The following BRAF variants were observed in gnomAD, a reference collection of about 807,000 sequenced individuals.
BRAF encodes the protein B-Raf proto-oncogene, serine/threonine kinase.
A neutral mutation model predicts 104.6 loss-of-function variants in BRAF; 16 were observed. The ratio of observed to expected loss-of-function variants is 0.15; its 90% CI spans 0.10 to 0.23. The LOEUF (loss-of-function observed/expected upper bound fraction) is 0.23, where lower values mean the gene tolerates loss of function less well. Among genes scored for constraint, BRAF ranks in the 10% least tolerant of loss-of-function variants. The pLI is 1.00. For synonymous variants in BRAF, 310 were observed against 341.6 expected (o/e 0.91, Z 1.02); for missense variants, 541 against 937.3 (o/e 0.58, Z 5.52).
intron 3 of BRAF, among the ~76,000 whole-genome samples, chr7:140,832,007 T>G (rs1246651018): frequency 6.6e-6 from 1 of 152,236 alleles, no homozygotes; most frequent in East Asian, 1.9e-4. Flanking sequence ...TTTGGTTTTC[T>G]ATTTTGGCTT....
At chr7:140,868,376 C>G (rs1811206244) in intron 1 of BRAF, among the ~76,000 whole-genome samples, 1 of 152,154 alleles carries the variant, frequency 6.6e-6, no homozygotes, top group Non-Finnish European at 1.5e-5. Context: ...CATATCCATT[C>G]AGTGGAATTT....
At chr7:140,882,577 C>T (rs936710244) in intron 1 of BRAF, among the ~76,000 whole-genome samples, 10 of 151,974 alleles carry the variant, frequency 6.6e-5, no homozygotes, top group African/African-American at 2.4e-4. Context: ...TGGGTTTCAC[C>T]ATATTGGTCA....
At chr7:140,841,025 T>C (rs1396145750) in intron 2 of BRAF, among the ~76,000 whole-genome samples, 1 of 151,942 alleles carries the variant, frequency 6.6e-6, no homozygotes. Flanking sequence ...TAAAGAACTC[T>C]TACAACTCAG....
intron 14 of BRAF, among the ~76,000 whole-genome samples, chr7:140,774,423 C>G (rs1219140092): frequency 6.6e-6 from 1 of 152,186 alleles, no homozygotes; most frequent in African/African-American, 2.4e-5. Context: ...CAGCACTATT[C>G]CAATTTGATA....
chr7:140,792,204 C>G (rs1169372483), intron 8 of BRAF, among the ~76,000 whole-genome samples: 1 of 152,164 alleles, frequency 6.6e-6, no homozygotes, highest in East Asian at 1.9e-4. Flanking sequence ...GTTTAAATAT[C>G]ATTTCTTGTC....
the BRAF span, among the ~76,000 whole-genome samples, chr7:140,713,498 A>T: frequency 1.0e-3 from 154 of 152,112 alleles, no homozygotes; most frequent in Admixed American, 4.8e-3. Context: ...TGGTTATTCT[A>T]GTTATCCATT....
intron 3 of BRAF, among the ~76,000 whole-genome samples, chr7:140,811,339 T>C (rs1477803650): frequency 6.6e-6 from 1 of 152,062 alleles, no homozygotes; most frequent in African/African-American, 2.4e-5. Context: ...AAGCATACTG[T>C]CCAGAGGCTA....
intron 19 of BRAF, among the ~76,000 whole-genome samples, chr7:140,730,062 T>C (rs1010877512): frequency 2.6e-5 from 4 of 152,100 alleles, no homozygotes; most frequent in African/African-American, 9.7e-5. Context: ...ACTCTTAAAA[T>C]GTCCCTAAAA....
At chr7:140,716,137 A>G (rs1229830011), downstream of BRAF, among the ~76,000 whole-genome samples, 1 of 152,194 alleles carries the variant, frequency 6.6e-6, no homozygotes, top group Admixed American at 6.5e-5. Context: ...CTACATACTA[A>G]AGAAGAATGG....
chr7:140,872,495 T>G (rs2129094541), intron 1 of BRAF, among the ~76,000 whole-genome samples: 1 of 152,244 alleles, frequency 6.6e-6, no homozygotes, highest in African/African-American at 2.4e-5. Flanking sequence ...AAAGAAAATT[T>G]AAGAATTTCT....
chr7:140,897,997 G>A (rs1400929339), intron 1 of BRAF, among the ~76,000 whole-genome samples: 6 of 152,188 alleles, frequency 3.9e-5, no homozygotes, highest in African/African-American at 1.4e-4. Flanking sequence ...GCCAGGAGTC[G>A]AGACCAGCCT....
chr7:140,885,752 A>G (rs1323408299), intron 1 of BRAF, among the ~76,000 whole-genome samples: 1 of 152,218 alleles, frequency 6.6e-6, no homozygotes, highest in African/African-American at 2.4e-5. Context: ...ATGAACTACT[A>G]TGGTTAAAAG....
chr7:140,800,512 G>A, intron 6 of BRAF, 31 bp from the exon 7 acceptor site: 1 of 1,613,892 alleles, frequency 6.2e-7, no homozygotes, highest in Non-Finnish European at 8.5e-7. Flanking sequence ...AACCTAACTT[G>A]TGCAAAACCC....
intron 8 of BRAF, among the ~76,000 whole-genome samples, chr7:140,792,918 C>T (rs1033157673): frequency 2.6e-5 from 4 of 152,054 alleles, no homozygotes; most frequent in African/African-American, 9.7e-5. Context: ...ACAGATGATG[C>T]TAGAAGTGTA....
intron 14 of BRAF, among the ~76,000 whole-genome samples, chr7:140,768,340 C>T (rs761243962): frequency 3.3e-5 from 5 of 152,180 alleles, no homozygotes; most frequent in Admixed American, 6.5e-5. Flanking sequence ...AACTTTTATA[C>T]ATTTGCCTCC....
intron 3 of BRAF, among the ~76,000 whole-genome samples, chr7:140,827,397 A>G (rs1416664432): frequency 6.6e-6 from 1 of 152,168 alleles, no homozygotes; most frequent in African/African-American, 2.4e-5. Context: ...TGTCCACTTC[A>G]TGGCTTGAGG....
intron 1 of BRAF, among the ~76,000 whole-genome samples, chr7:140,861,930 A>G (rs1327218134): frequency 6.6e-6 from 1 of 152,218 alleles, no homozygotes; most frequent in Non-Finnish European, 1.5e-5. Flanking sequence ...AGCTCCTTCC[A>G]GGAATAAACA....
intron 1 of BRAF, among the ~76,000 whole-genome samples, chr7:140,876,934 G>A (rs897190037): frequency 1.3e-5 from 2 of 151,828 alleles, no homozygotes; most frequent in Non-Finnish European, 2.9e-5. Context: ...AACCACAAAC[G>A]TTTGTTCTCT....
intron 1 of BRAF, among the ~76,000 whole-genome samples, chr7:140,890,089 T>C (rs1241766174): frequency 6.6e-6 from 1 of 152,226 alleles, no homozygotes; most frequent in Non-Finnish European, 1.5e-5. Context: ...TTTGTAACCT[T>C]AGGCAAATTA....
Sources: allele counts gnomAD v4.1 joint callset (sites outside exome capture counted in the v4.1 genomes callset), GRCh38; gene constraint gnomAD v4.1.1; transcripts MANE v1.5; gene names NCBI Gene and HGNC (gene_info 2026-07-23, HGNC 2026-07-21).